Variants in BBOF1 observed in about 807,000 individuals in gnomAD.
BBOF1 encodes basal body orientation factor 1.
In BBOF1, 62 loss-of-function variants were observed where a neutral mutation model predicts 68.0. The observed-to-expected ratio is 0.91, with a 90% confidence interval of 0.74 to 1.13. BBOF1 has a LOEUF of 1.13. Among genes scored for constraint, BBOF1 ranks in the 50% most tolerant of loss-of-function variants. The probability of loss-of-function intolerance (pLI) is 0.00; values close to 1 mark genes in which losing one functional copy is unlikely to be tolerated. For missense variants in BBOF1, 534 were observed against 600.1 expected (o/e 0.89, Z 1.15); for synonymous variants, 208 against 198.8 (o/e 1.05, Z -0.39).
At chr14:74,069,101 CT>C (rs900873855), downstream of BBOF1, 45,808 of 444,056 alleles carry the variant, frequency 0.1, 2 homozygotes, top group Non-Finnish European at 0.12. Context: ...TTTACTTTTT[CT>C]TTTTTTTTTT....
chr14:74,070,518 C>CA (rs537782352), downstream of BBOF1, among the ~76,000 whole-genome samples: 199 of 151,610 alleles, frequency 1.3e-3, no homozygotes, highest in Admixed American at 3.9e-3. Flanking sequence ...GACTCCATCT[C>CA]AAAAAAAAGA....
chr14:74,069,250 C>T (rs2060516505), downstream of BBOF1: 3 of 377,506 alleles, frequency 7.9e-6, no homozygotes, highest in Admixed American at 7.5e-5. Flanking sequence ...ATTATAGGCA[C>T]CCACCACCAT....
chr14:74,078,820 C>T (rs984772163), intron 10 of BBOF1, among the ~76,000 whole-genome samples: 1 of 151,802 alleles, frequency 6.6e-6, no homozygotes, highest in African/African-American at 2.4e-5. Context: ...TGAGCCACTG[C>T]ACCTGGCCAC....
chr14:74,070,426 G>A (rs936255726), downstream of BBOF1, among the ~76,000 whole-genome samples: 23 of 152,120 alleles, frequency 1.5e-4, no homozygotes, highest in African/African-American at 5.6e-4. Context: ...GGCAGAGGCA[G>A]GAAAATTGCT....
At chr14:74,069,948 C>A (rs10149529), downstream of BBOF1, among the ~76,000 whole-genome samples, 4,829 of 149,642 alleles carry the variant, frequency 0.032, 195 homozygotes, top group African/African-American at 0.097. Context: ...GTTTGCCAGG[C>A]TCAAGCTGTC....
intron 8 of BBOF1, among the ~76,000 whole-genome samples, chr14:74,053,002 A>T (rs2060103247): frequency 6.6e-6 from 1 of 151,834 alleles, no homozygotes; most frequent in Non-Finnish European, 1.5e-5. Flanking sequence ...ACTGCACTCC[A>T]GCCTGGCAAC....
At chr14:74,045,713 T>C (rs953217397) in intron 5 of BBOF1, among the ~76,000 whole-genome samples, 4 of 152,244 alleles carry the variant, frequency 2.6e-5, no homozygotes, top group Non-Finnish European at 1.5e-5. Context: ...GAGAGGCTAC[T>C]GAGAACAGCC....
At chr14:74,034,311 G>A in intron 4 of BBOF1, 140 bp downstream of exon 4, 1 of 576,950 alleles carries the variant, frequency 1.7e-6, no homozygotes, top group Non-Finnish European at 2.8e-6. Flanking sequence ...AGAAAAAGGA[G>A]AAGACAGACT....
At position 74,071,909 on chromosome 14, in the gene BBOF1, T is replaced by C. The variant is rs4899491; in HGVS notation, n.1380-6287T>C. 4.8e-3 allele frequency: 7,800 copies of C among 1,614,208 alleles called. 72 individuals carry two copies. The highest frequency in any genetic ancestry group is 0.029 in the Middle Eastern group (176 of 6,062). Reference sequence around the variant, plus strand: ...CTCCCAGCTTACGAAGGCCTCGAAATACATCTCCTTCAGCATCAGCTAGGG... The same window carrying C: ...CTCCCAGCTTACGAAGGCCTCGAAACACATCTCCTTCAGCATCAGCTAGGG... On this transcript the variant is annotated intron_variant and non_coding_transcript_variant, in intron 9 of 12. Coordinates refer to the BBOF1 transcript ENST00000492026.
rs138422480 is a variant in BBOF1 at position 74,080,290 on chromosome 14, T to C, written n.1537-777T>C. Among the ~76,000 whole-genome samples, 1,471 of 152,082 alleles carry C rather than the reference T, an allele frequency of 9.7e-3. 7 individuals carry two copies. The highest frequency in any genetic ancestry group is 0.028 in the Middle Eastern group (8 of 288). On this transcript the variant is annotated intron_variant and non_coding_transcript_variant, in intron 10 of 12. Transcript: ENST00000492026. The stretch of plus-strand genomic sequence containing the variant: ...TAGCTGTCCTGCCATTATCCCAGTC[T>C]ATACCATCATTGTCTCTCACTTGAC...
At chr14:74,067,432 C>A, downstream of BBOF1, 1 of 1,614,148 alleles carries the variant, frequency 6.2e-7, no homozygotes, top group Non-Finnish European at 8.5e-7. Flanking sequence ...GCAGCCACTT[C>A]TTGGCTTCTC....
chr14:74,049,263 T>C (rs1282899476), intron 7 of BBOF1, among the ~76,000 whole-genome samples: 1 of 152,120 alleles, frequency 6.6e-6, no homozygotes, highest in African/African-American at 2.4e-5. Context: ...ACAAGGACCC[T>C]AGGATGTTTG....
chr14:74,056,726 A>G, intron 9 of BBOF1, 180 bp from the exon 10 acceptor site: 1 of 561,626 alleles, frequency 1.8e-6, no homozygotes. Context: ...ATTCTCTATG[A>G]TGTGATTATT....
Position 74,079,678 on chromosome 14 carries a change from C to T in BBOF1, n.1536+1326C>T, listed in dbSNP as rs544828364. Among the ~76,000 whole-genome samples, 343 of 151,764 alleles carry T rather than the reference C, an allele frequency of 2.3e-3. 1 individual carries two copies. Among genetic ancestry groups the T allele is most frequent in the Non-Finnish European group, 2.9e-3 (195 of 67,896 alleles). On this transcript the variant is annotated intron_variant and non_coding_transcript_variant, in intron 10 of 12. Transcript: ENST00000492026. ...CGATCTCCTGACCTCATGATCCGCCCGCCTCAGCCTCCCAAAGTGCTGGGA... is the reference window on the plus strand; with the variant it reads ...CGATCTCCTGACCTCATGATCCGCCTGCCTCAGCCTCCCAAAGTGCTGGGA...
chr14:74,047,827 A>G, intron 6 of BBOF1, 103 bp from the exon 7 acceptor site: 3 of 957,008 alleles, frequency 3.1e-6, no homozygotes, highest in East Asian at 2.7e-5. Context: ...GGTGGTAGTC[A>G]CTATTGATAA....
rs750449804 is a variant in BBOF1, at chr14:74,046,063, C to T, written c.580C>T (p.Arg194Ter). 1.5e-5 allele frequency: 24 copies of T among 1,604,580 alleles called. No homozygotes were observed. The Admixed American group carries it at 2.7e-4, about 18-fold the overall frequency. The stretch of plus-strand genomic sequence containing the variant: ...AGCAGCCCATTTTCTTTTTTAGCAC[C>T]GACTAGAACAAGAGGCTGAAAAGAA... ...LESRFFEEKH[R>*]LEQEAEKKII... The change falls in exon 6 of 12, where the codon CGA (arginine) becomes TGA (stop). Residue 194 changes from arginine (R) to a stop codon, truncating the protein, a stop_gained. Transcript: ENST00000394009. LOFTEE classifies it high-confidence loss of function.
intron 5 of BBOF1, among the ~76,000 whole-genome samples, chr14:74,042,879 GACACACACACAC>G (rs71460947): frequency 8.4e-5 from 12 of 143,664 alleles, no homozygotes; most frequent in South Asian, 2.3e-4. Flanking sequence ...CACACACACA[GACACACACACAC>G]ACACACACAC....
downstream of BBOF1, chr14:74,067,010 G>C (rs1288694819): frequency 3.3e-6 from 3 of 915,922 alleles, no homozygotes; most frequent in Non-Finnish European, 5.2e-6. Context: ...GAGCCCAGGA[G>C]TTCCAGACCA....
intron 2 of BBOF1, among the ~76,000 whole-genome samples, chr14:74,025,318 T>C (rs2059399002): frequency 6.6e-6 from 1 of 152,184 alleles, no homozygotes; most frequent in Non-Finnish European, 1.5e-5. Flanking sequence ...TGGGTAATTT[T>C]TATAATCATG....
Sources: allele counts gnomAD v4.1 joint callset (sites outside exome capture counted in the v4.1 genomes callset), GRCh38; gene constraint gnomAD v4.1.1; transcripts MANE v1.5; gene names NCBI Gene and HGNC (gene_info 2026-07-23, HGNC 2026-07-21).